SCUBE2: variants seen among roughly 807,000 people sequenced by gnomAD.
SCUBE2 encodes signal peptide, CUB domain and EGF like domain containing 2, also known as signal peptide, CUB and EGF-like domain-containing protein 2.
In SCUBE2, 114 loss-of-function variants were observed where a neutral mutation model predicts 125.9. The observed-to-expected ratio is 0.91, with a 90% CI of 0.78 to 1.06. The LOEUF (loss-of-function observed/expected upper bound fraction) is 1.06. SCUBE2 is among the 50% of genes least tolerant of loss of function. The probability of loss-of-function intolerance (pLI) is 0.00; values close to 1 mark genes in which losing one functional copy is unlikely to be tolerated. For missense variants in SCUBE2, 1,255 were observed against 1,301.8 expected, an observed-to-expected ratio of 0.96 and a Z score of 0.55; for synonymous variants, 459 against 492.9, an observed-to-expected ratio of 0.93 and a Z score of 0.91.
intron 7 of SCUBE2, among the ~76,000 whole-genome samples, chr11:9,062,370 C>G (rs1435550340): frequency 6.6e-6 from 1 of 152,220 alleles, no homozygotes; most frequent in Admixed American, 6.5e-5. Context: ...AGCAAAAAGA[C>G]CTAACGATAT....
rs72549242 is a variant in SCUBE2 at position 9,074,562 on chromosome 11, C to T, written c.436G>A (p.Val146Ile). 13 of 1,614,182 alleles carry T rather than the reference C, an allele frequency of 8.1e-6. No homozygotes were observed. The highest frequency in any genetic ancestry group is 5.3e-5 in the African/African-American group (4 of 75,032). The change falls in exon 4 of 23, where the codon GTC becomes ATC. Residue 146 changes from valine (V) to isoleucine (I), a missense_variant. This residue lies in a region of SCUBE2 where 362 missense variants were observed against 323.0 expected (regional missense o/e 1.12). Transcript: ENST00000649792. Reference protein sequence around the residue: ...NGGCQHTCVNVMGSYECCCKE... With the variant: ...NGGCQHTCVNIMGSYECCCKE... ...CAGCAGCACTCATAGCTCCCCATGA[C>T]GTTGACACAGGTATGCTGGCAGCCG...
In SCUBE2 at chr11:9,076,816, T is replaced by C. The variant is rs74765961; in HGVS notation, c.383-2201A>G. The stretch of plus-strand genomic sequence containing the variant: ...AACTGATGGGACTCAAGCCATCCCC[T>C]GAAGCCTAACAAACTTGCCCTTGTC... On this transcript the variant is annotated intron_variant, in intron 3 of 22. Coordinates refer to ENST00000649792, the MANE Select transcript of SCUBE2 (RefSeq NM_001367977.2). Among the ~76,000 whole-genome samples the C allele has an allele frequency of 1.3e-3, 203 of 152,314 alleles. 1 individual carries two copies. Among genetic ancestry groups the C allele is most frequent in the African/African-American group, 4.0e-3 (168 of 41,586 alleles).
At position 9,027,479 on chromosome 11, in the gene SCUBE2, G is replaced by A. The variant is rs139741503; in HGVS notation, c.2586C>T (p.Thr862=). 2.9e-4 allele frequency: 474 copies of A among 1,614,032 alleles called. No homozygotes were observed. The African/African-American group carries it at 4.8e-3, about 16-fold the overall frequency. The change falls in exon 20 of 23, where the codon ACC becomes ACT. Residue 862 remains threonine, a synonymous_variant. Transcript: ENST00000649792. ...GTGGGTTGATGGTCCACGTACACTC[G>A]GTGTTGGCTGGGTAATTGCCTGGGT... ...PNYPGNYPAN[T]ECTWTINPPP... is the part of the protein sequence containing the mutation.
At chr11:9,078,108 C>T (rs2135883910) in intron 3 of SCUBE2, among the ~76,000 whole-genome samples, 1 of 152,316 alleles carries the variant, frequency 6.6e-6, no homozygotes, top group South Asian at 2.1e-4. Context: ...AAAGAGCAAC[C>T]CATGTGGTAT....
At chr11:9,060,326 T>C (rs1859543976) in intron 8 of SCUBE2, 82 bp downstream of exon 8, 1 of 1,038,240 alleles carries the variant, frequency 9.6e-7, no homozygotes, top group East Asian at 2.4e-5. Flanking sequence ...GGAGGGTATG[T>C]TGCCTTTATC....
intron 7 of SCUBE2, among the ~76,000 whole-genome samples, 191 bp downstream of exon 7, chr11:9,065,700 G>C (rs1860148833): frequency 6.6e-6 from 1 of 152,218 alleles, no homozygotes; most frequent in Non-Finnish European, 1.5e-5. Flanking sequence ...ACGAGACCAA[G>C]GGTCTTGCTT....
Position 9,074,552 on chromosome 11 carries a change from C to CT in SCUBE2, c.445dup (p.Ser149LysfsTer3), listed in dbSNP as rs1861063825. 6.2e-7 allele frequency: 1 copy of CT among 1,614,110 alleles called. No homozygotes were observed. The highest frequency in any genetic ancestry group is 1.7e-5 in the Admixed American group (1 of 60,012). The stretch of plus-strand genomic sequence containing the variant: ...CCCCTCCTTGCAGCAGCACTCATAG[C>CT]TCCCCATGACGTTGACACAGGTATG... On this transcript the variant is annotated frameshift_variant, in exon 4 of 23. Transcript: ENST00000649792. LOFTEE classifies it high-confidence loss of function.
Position 9,047,493 on chromosome 11 carries a change from C to A in SCUBE2, c.1865G>T (p.Arg622Ile), listed in dbSNP as rs775544790. Residue 622 changes from arginine (R) to isoleucine (I), a missense_variant, in exon 16 of 23, where the codon AGA becomes ATA. Around this residue, in one of 3 missense-constraint regions of SCUBE2, gnomAD observed 515 missense variants for 515.7 expected, o/e 1.00. Coordinates refer to ENST00000649792, the MANE Select transcript of SCUBE2 (RefSeq NM_001367977.2). ...AAACTGCTCCCTGTGGACGGCCTTT[C>A]TGAGCGTGCGGATGGCTTTACGGAG... ...KRLRKAIRTL[R>I]KAVHREQFHL... The A allele has an allele frequency of 3.1e-6, 5 of 1,613,738 alleles. No individual in the cohort carries two copies. Among genetic ancestry groups the A allele is most frequent in the Non-Finnish European group, 4.2e-6 (5 of 1,180,012 alleles).
chr11:9,077,604 G>T (rs1437772264), intron 3 of SCUBE2, among the ~76,000 whole-genome samples: 6 of 152,120 alleles, frequency 3.9e-5, no homozygotes, highest in Admixed American at 3.9e-4. Flanking sequence ...CTTCTTTTTT[G>T]CCACAAACTG....
intron 19 of SCUBE2, 28 bp from the exon 20 acceptor site, chr11:9,027,589 G>A: frequency 1.3e-6 from 2 of 1,590,708 alleles, no homozygotes; most frequent in South Asian, 2.3e-5. Context: ...CCGAGTTATG[G>A]CACGACACTG....
chr11:9,038,927 G>A (rs61876296), intron 16 of SCUBE2, among the ~76,000 whole-genome samples: 14,229 of 151,808 alleles, frequency 0.094, 1,156 homozygotes, highest in African/African-American at 0.22. Flanking sequence ...ACAGGGTTGC[G>A]CTCTGTTACC....
chr11:9,086,817 C>T (rs1324985725), intron 2 of SCUBE2, among the ~76,000 whole-genome samples: 1 of 140,518 alleles, frequency 7.1e-6, no homozygotes, highest in Non-Finnish European at 1.5e-5. Flanking sequence ...TGCACCACTG[C>T]ATTCCAGCCT....
chr11:9,045,131 C>A (rs566221003), intron 16 of SCUBE2, among the ~76,000 whole-genome samples: 2 of 152,162 alleles, frequency 1.3e-5, no homozygotes, highest in Admixed American at 1.3e-4. Context: ...TTGCTGGATT[C>A]CTGATATCTA....
chr11:9,066,575 G>A (rs1860254728), intron 6 of SCUBE2, 122 bp downstream of exon 6: 2 of 783,002 alleles, frequency 2.6e-6, no homozygotes, highest in South Asian at 1.6e-5. Context: ...GCAGCACAGG[G>A]CCTGCTGGGG....
chr11:9,042,402 C>A (rs1403125459), intron 16 of SCUBE2, among the ~76,000 whole-genome samples: 1 of 151,910 alleles, frequency 6.6e-6, no homozygotes, highest in Admixed American at 6.6e-5. Context: ...TCCCTCCCTG[C>A]CTCCACTCTT....
chr11:9,059,222 G>A, intron 9 of SCUBE2, 81 bp downstream of exon 9: 1 of 1,524,662 alleles, frequency 6.6e-7, no homozygotes, highest in Non-Finnish European at 8.9e-7. Flanking sequence ...TGATAAGCCA[G>A]TCTCTGCCAG....
intron 4 of SCUBE2, among the ~76,000 whole-genome samples, chr11:9,072,783 A>T (rs1358136257): frequency 6.6e-6 from 1 of 152,248 alleles, no homozygotes; most frequent in East Asian, 1.9e-4. Context: ...AAAAATGTTC[A>T]CTTCAAATAC....
At chr11:9,057,799 C>G (rs956492127) in intron 9 of SCUBE2, among the ~76,000 whole-genome samples, 12 of 152,184 alleles carry the variant, frequency 7.9e-5, no homozygotes, top group Non-Finnish European at 1.3e-4. Context: ...TCCCAAAGTG[C>G]TGAGATTACA....
At chr11:9,028,310 CAGGCA>C (rs1429466162) in intron 19 of SCUBE2, among the ~76,000 whole-genome samples, 2 of 152,194 alleles carry the variant, frequency 1.3e-5, no homozygotes, top group Non-Finnish European at 2.9e-5. Context: ...GCTAGGACTA[CAGGCA>C]TGAGCCACTG....
Sources: allele counts gnomAD v4.1 joint callset (sites outside exome capture counted in the v4.1 genomes callset), GRCh38; gene constraint gnomAD v4.1.1; regional missense constraint gnomAD v4.1.1; transcripts MANE v1.5; gene names NCBI Gene and HGNC (gene_info 2026-07-23, HGNC 2026-07-21).